The following ARRDC1 variants were observed in gnomAD, a reference collection of about 807,000 sequenced individuals.
ARRDC1 encodes the protein arrestin domain containing 1, also known as arrestin domain-containing protein 1.
Under a neutral mutation model 40.1 loss-of-function variants are expected in ARRDC1, and 37 were observed. The observed-to-expected ratio is 0.92, with a 90% CI of 0.71 to 1.21. ARRDC1 has a LOEUF of 1.21. Among genes scored for constraint, ARRDC1 ranks in the 50% most tolerant of loss-of-function variants. The probability of loss-of-function intolerance (pLI) is 0.00; values close to 1 mark genes in which losing one functional copy is unlikely to be tolerated. For synonymous variants in ARRDC1, 310 were observed against 262.5 expected, an observed-to-expected ratio of 1.18 and a Z score of -1.75; for missense variants, 641 against 581.9, an observed-to-expected ratio of 1.10 and a Z score of -1.04.
In ARRDC1 at chr9:137,614,936, G is replaced by C; in HGVS notation, c.1173G>C (p.Gly391=). 6.2e-7 allele frequency: 1 copy of C among 1,613,872 alleles called. No individual in the cohort carries two copies. Among genetic ancestry groups the C allele is most frequent in the Non-Finnish European group, 8.5e-7 (1 of 1,179,980 alleles). Residue 391 remains glycine (G), a synonymous_variant, in exon 7 of 8, where the codon GGG becomes GGC. Coordinates refer to ENST00000371421, the MANE Select transcript of ARRDC1 (RefSeq NM_152285.4). Reference sequence around the variant, plus strand: ...CCTACTTTGCAGAGGGCTCCGGGGGGCCAGTGCCCACTACCAGCACCTTGA... The same window carrying C: ...CCTACTTTGCAGAGGGCTCCGGGGGCCCAGTGCCCACTACCAGCACCTTGA... ...TVPYFAEGSG[G]PVPTTSTLIL...
chr9:137,607,856 A>C (rs1842449739), intron 1 of ARRDC1, among the ~76,000 whole-genome samples: 1 of 152,164 alleles, frequency 6.6e-6, no homozygotes, highest in African/African-American at 2.4e-5. Context: ...CTGGAGAAGA[A>C]AGTTCCAGTG....
rs750649392 is a variant in ARRDC1, at chr9:137,614,052, C to T, written c.456C>T (p.Ala152=). The T allele has an allele frequency of 1.2e-6, 2 of 1,613,812 alleles. No individual in the cohort carries two copies. The highest frequency in any genetic ancestry group is 1.7e-6 in the Non-Finnish European group (2 of 1,179,988). Residue 152 remains alanine, a synonymous_variant, in exon 5 of 8, where the codon GCC becomes GCT. Coordinates refer to ENST00000371421, the MANE Select transcript of ARRDC1 (RefSeq NM_152285.4). The part of the protein sequence containing the change: ...PDIEQPNVAS[A]TKKFSYKLVK... ...CCAAGCAACCCAACGTGGCCTCTGC[C>T]ACCAAGAAGTTCTCCTACAAGCTGG...
chr9:137,611,849 G>GGGCCTGCTGGGGAGACCACAGGTGA (rs1842529078), intron 1 of ARRDC1: 5 of 152,432 alleles, frequency 3.3e-5, no homozygotes, highest in African/African-American at 1.2e-4. Context: ...GCCACAGGTG[G>GGGCCTGCTGGGGAGACCACAGGTGA]GGCCTGCTGG....
chr9:137,607,425 C>CCGT (rs991457224), intron 1 of ARRDC1, among the ~76,000 whole-genome samples: 115 of 152,358 alleles, frequency 7.5e-4, no homozygotes, highest in African/African-American at 2.7e-3. Context: ...CAGCACCCAG[C>CCGT]CGTGAGGACA....
chr9:137,605,867 C>G, intron 1 of ARRDC1, 32 bp downstream of exon 1: 1 of 1,187,826 alleles, frequency 8.4e-7, no homozygotes. Flanking sequence ...GGGCCTTTGG[C>G]CGCACCTGCG....
intron 2 of ARRDC1, 80 bp downstream of exon 2, chr9:137,613,086 C>A (rs1360787493): frequency 2.7e-6 from 3 of 1,095,680 alleles, no homozygotes; most frequent in South Asian, 2.7e-5. Context: ...TGTCCTCCCC[C>A]TTTCCTAGAT....
Position 137,614,623 on chromosome 9 carries a change from A to T in ARRDC1, c.860A>T (p.Asn287Ile). Residue 287 changes from asparagine to isoleucine, a missense_variant, in exon 7 of 8, where the codon AAC (asparagine) becomes ATC (isoleucine). Physicochemically the swap from Asn to Ile is moderately radical, Grantham distance 149. Coordinates refer to ENST00000371421, the MANE Select transcript of ARRDC1 (RefSeq NM_152285.4). ...GTCTTCATTGGCAATATTGCTGTGA[A>T]CCATGCCCCAGTGAGCCCCCGGCCA... ...LPVFIGNIAVNHAPVSPRPGL... is the reference protein window; with the variant it reads ...LPVFIGNIAVIHAPVSPRPGL... 1 of 1,612,364 alleles carries T rather than the reference A, an allele frequency of 6.2e-7. No homozygotes were observed. Among genetic ancestry groups the T allele is most frequent in the Non-Finnish European group, 8.5e-7 (1 of 1,179,704 alleles).
intron 1 of ARRDC1, among the ~76,000 whole-genome samples, chr9:137,606,905 G>A (rs1319082274): frequency 6.6e-6 from 1 of 152,220 alleles, no homozygotes; most frequent in African/African-American, 2.4e-5. Flanking sequence ...TTCCCCTGGC[G>A]TGGCCTGGGG....
rs756152653 is a variant in ARRDC1 at position 137,612,859 on chromosome 9, C to T, written c.119-37C>T. 1.0e-5 allele frequency: 16 copies of T among 1,542,860 alleles called. 1 individual carries two copies. The Middle Eastern group carries it at 6.8e-4, about 65-fold the overall frequency. ...GGCAGCAAGCAGGGGCCTGGGCCGT[C>T]GGCTGGCTGGGGCTCATGCAGCCAT... is the stretch of plus-strand genomic sequence containing the variant. On this transcript the variant is annotated intron_variant, in intron 1 of 7. Transcript: ENST00000371421.
At chr9:137,608,453 G>A (rs549791577) in intron 1 of ARRDC1, among the ~76,000 whole-genome samples, 3 of 152,328 alleles carry the variant, frequency 2.0e-5, no homozygotes, top group South Asian at 2.1e-4. Flanking sequence ...TTCCTGTTGC[G>A]AAAGGCTCGG....
rs771799682 is a variant in ARRDC1, at chr9:137,605,844, G to C, written c.118+9G>C. On this transcript the variant is annotated intron_variant, in intron 1 of 7. Transcript: ENST00000371421. ...ACCGCTGCCGTTCCGAGGTGGGCGC[G>C]GGTCCTCGGGGAGGGCCTTTGGCCG... is the stretch of plus-strand genomic sequence containing the variant. 3.2e-6 allele frequency: 4 copies of C among 1,241,144 alleles called. No homozygotes were observed. In the South Asian group the frequency reaches 8.8e-5, roughly 27 times the overall value. The allele number at this position is 1,241,144 out of a possible 1,614,324, so 76.9% of individuals were successfully genotyped here. A position where few individuals can be genotyped will look rare whatever the true frequency, so the allele number is the denominator to read the frequency against.
chr9:137,605,879 G>T, intron 1 of ARRDC1, 44 bp downstream of exon 1: 2 of 1,146,680 alleles, frequency 1.7e-6, no homozygotes, highest in Admixed American at 4.4e-5. Context: ...GCACCTGCGC[G>T]GGGCCAGGGC....
intron 2 of ARRDC1, 65 bp downstream of exon 2, chr9:137,613,071 T>G: frequency 8.4e-7 from 1 of 1,196,528 alleles, no homozygotes; most frequent in Non-Finnish European, 1.2e-6. Context: ...GGGGCCTGTC[T>G]GTCCTGTCCT....
At chr9:137,606,799 A>C (rs957768600) in intron 1 of ARRDC1, among the ~76,000 whole-genome samples, 1 of 152,178 alleles carries the variant, frequency 6.6e-6, no homozygotes, top group African/African-American at 2.4e-5. Context: ...TGGCCGTGGC[A>C]GGGCAGAGAT....
chr9:137,613,445 C>G lies in ARRDC1; in HGVS notation c.230-15C>G, dbSNP rs1278815203. On this transcript the variant is annotated splice_polypyrimidine_tract_variant and intron_variant, in intron 2 of 7. Transcript: ENST00000371421. ...CAGGGGGGGACTGCCCCCCACCTCC[C>G]TCCTGTCTCTGCAGGGAGCCTGCCC... The G allele has an allele frequency of 6.2e-7, 1 of 1,609,582 alleles. No individual in the cohort carries two copies. The highest frequency in any genetic ancestry group is 8.5e-7 in the Non-Finnish European group (1 of 1,179,402).
chr9:137,613,752 A>G lies in ARRDC1; in HGVS notation c.418A>G (p.Ser140Gly), dbSNP rs1379800133. The change falls in exon 4 of 8, where the codon AGC (serine) becomes GGC (glycine). Residue 140 changes from serine to glycine, a missense_variant. Physicochemically the swap from Ser to Gly is moderately conservative, Grantham distance 56. Coordinates refer to ENST00000371421, the MANE Select transcript of ARRDC1 (RefSeq NM_152285.4). ...FYILSPLNLN[S>G]IPDIEQPNVA... Reference sequence around the variant, plus strand: ...TATCTTGAGCCCCTTGAACCTGAACAGCATCCCAGACATTGAGGTGAGGAT... The same window carrying G: ...TATCTTGAGCCCCTTGAACCTGAACGGCATCCCAGACATTGAGGTGAGGAT... 1.2e-6 allele frequency: 2 copies of G among 1,614,056 alleles called. No individual in the cohort carries two copies. The highest frequency in any genetic ancestry group is 2.7e-5 in the African/African-American group (2 of 74,940).
At chr9:137,609,481 G>A (rs1024438523) in intron 1 of ARRDC1, among the ~76,000 whole-genome samples, 6 of 152,102 alleles carry the variant, frequency 3.9e-5, no homozygotes, top group Non-Finnish European at 7.4e-5. Context: ...TGATCCGCCC[G>A]CCTCAGCCTC....
intron 5 of ARRDC1, 33 bp from the exon 6 acceptor site, chr9:137,614,266 C>G: frequency 6.3e-7 from 1 of 1,577,116 alleles, no homozygotes. Context: ...GGGCTGGCAG[C>G]CTGCGCAGGC....
In ARRDC1 at chr9:137,612,953, C is replaced by T. The variant is rs779457851; in HGVS notation, c.176C>T (p.Ala59Val). The T allele has an allele frequency of 1.1e-5, 17 of 1,614,032 alleles. No homozygotes were observed. The East Asian group carries it at 1.1e-4, about 11-fold the overall frequency. ...GTCTCCAACAAGGCTAATGACACAG[C>T]GTGGGTAGTGGAGGAGGGTTACTTC... ...CGVSNKANDT[A>V]WVVEEGYFNS... Residue 59 changes from alanine to valine, a missense_variant, in exon 2 of 8, where the codon GCG (alanine) becomes GTG (valine). By Grantham distance (64) the Ala-to-Val change is moderately conservative. Transcript: ENST00000371421.
Sources: allele counts gnomAD v4.1 joint callset (sites outside exome capture counted in the v4.1 genomes callset), GRCh38; gene constraint gnomAD v4.1.1; transcripts MANE v1.5; gene names NCBI Gene and HGNC (gene_info 2026-07-23, HGNC 2026-07-21).